Variants in SPATA31F3 observed in about 807,000 individuals in gnomAD.
SPATA31F3 encodes SPATA31 subfamily F member 3.
At chr9:34,891,249 G>A in the SPATA31F3 span, among the ~76,000 whole-genome samples, 1 of 152,160 alleles carries the variant, frequency 6.6e-6, no homozygotes, top group Non-Finnish European at 1.5e-5. Flanking sequence ...TCACTTCCAG[G>A]TCCAGGTGTT....
the SPATA31F3 span, among the ~76,000 whole-genome samples, chr9:34,891,503 G>T: frequency 6.6e-6 from 1 of 152,206 alleles, no homozygotes; most frequent in African/African-American, 2.4e-5. Context: ...GGTGCTGCAT[G>T]CTGGGAAGAC....
the SPATA31F3 span, chr9:34,889,164 T>C: frequency 2.5e-6 from 1 of 398,632 alleles, no homozygotes; most frequent in South Asian, 1.3e-4. Flanking sequence ...TTGCAGAGGT[T>C]CAGGAACCTA....
At chr9:34,894,294 G>C in the SPATA31F3 span, 1 of 394,586 alleles carries the variant, frequency 2.5e-6, no homozygotes, top group African/African-American at 2.1e-5. Context: ...CCCTGCCCTG[G>C]TAACTCTCTC....
At chr9:34,894,739 C>T in the SPATA31F3 span, among the ~76,000 whole-genome samples, 1 of 152,220 alleles carries the variant, frequency 6.6e-6, no homozygotes, top group East Asian at 1.9e-4. Flanking sequence ...TTATGGAGAA[C>T]AAGACTGAGA....
the SPATA31F3 span, among the ~76,000 whole-genome samples, chr9:34,890,550 T>C: frequency 1.3e-3 from 192 of 152,320 alleles, 1 homozygote; most frequent in African/African-American, 4.4e-3. Context: ...CTGTCTTTAG[T>C]TCAACGGCAA....
At chr9:34,892,193 G>A in the SPATA31F3 span, among the ~76,000 whole-genome samples, 1 of 152,140 alleles carries the variant, frequency 6.6e-6, no homozygotes, top group Admixed American at 6.5e-5. Context: ...CTGAAAGAGA[G>A]GAGAGGGTAG....
chr9:34,892,876 CATTA>C, the SPATA31F3 span: 30 of 699,888 alleles, frequency 4.3e-5, no homozygotes, highest in Non-Finnish European at 7.6e-5. Flanking sequence ...ATTTCTGATC[CATTA>C]ATTGTGACAG....
chr9:34,891,366 C>T, the SPATA31F3 span, among the ~76,000 whole-genome samples: 2 of 152,174 alleles, frequency 1.3e-5, no homozygotes, highest in East Asian at 3.8e-4. Context: ...GGGACAATGC[C>T]CTAGCAGATC....
At chr9:34,890,899 T>C in the SPATA31F3 span, among the ~76,000 whole-genome samples, 1 of 151,586 alleles carries the variant, frequency 6.6e-6, no homozygotes, top group Non-Finnish European at 1.5e-5. Context: ...ACTTGTACGT[T>C]ATCTACACAA....
chr9:34,890,837 G>A, the SPATA31F3 span, among the ~76,000 whole-genome samples: 4 of 152,300 alleles, frequency 2.6e-5, no homozygotes, highest in Non-Finnish European at 4.4e-5. Flanking sequence ...GTGAGGATCT[G>A]TCTGCCTCTC....
At chr9:34,890,329 G>C in the SPATA31F3 span, among the ~76,000 whole-genome samples, 40 of 152,308 alleles carry the variant, frequency 2.6e-4, no homozygotes, top group Admixed American at 5.2e-4. Context: ...TGGGTCAACT[G>C]TTTTCTCTGC....
At chr9:34,892,187 AAG>A in the SPATA31F3 span, among the ~76,000 whole-genome samples, 1 of 152,150 alleles carries the variant, frequency 6.6e-6, no homozygotes, top group South Asian at 2.1e-4. Context: ...TAGAAGCTGA[AAG>A]AGAGGAGAGG....
At chr9:34,892,931 G>A in the SPATA31F3 span, 10 of 684,468 alleles carry the variant, frequency 1.5e-5, no homozygotes, top group East Asian at 1.6e-4. Flanking sequence ...TTTGGATTTC[G>A]GGGAGCCCAG....
At chr9:34,895,687 T>C in the SPATA31F3 span, 16 of 404,712 alleles carry the variant, frequency 4.0e-5, no homozygotes, top group Non-Finnish European at 5.7e-5. Context: ...ATAAGGGATA[T>C]CCAACATCCC....
chr9:34,889,464 A>T, the SPATA31F3 span: 1 of 398,570 alleles, frequency 2.5e-6, no homozygotes, highest in East Asian at 3.6e-5. Context: ...AGCTCCCCAC[A>T]CATGATCTTT....
chr9:34,894,615 C>T, the SPATA31F3 span: 1 of 397,568 alleles, frequency 2.5e-6, no homozygotes, highest in African/African-American at 2.1e-5. Flanking sequence ...AGAGTCAGAA[C>T]ACTAAGTCAC....
At chr9:34,890,693 T>C in the SPATA31F3 span, among the ~76,000 whole-genome samples, 1 of 152,220 alleles carries the variant, frequency 6.6e-6, no homozygotes, top group African/African-American at 2.4e-5. Flanking sequence ...TGTGGAGATA[T>C]TCTTTGGGAT....
Sources: allele counts gnomAD v4.1 joint callset (sites outside exome capture counted in the v4.1 genomes callset), GRCh38; gene constraint gnomAD v4.1.1; transcripts MANE v1.5; gene names NCBI Gene and HGNC (gene_info 2026-07-23, HGNC 2026-07-21).